Variants in TRAM1L1 observed in about 807,000 individuals in gnomAD.
The protein encoded by TRAM1L1 is translocation associated membrane protein 1 like 1.
For missense variants in TRAM1L1, 451 were observed against 439.9 expected, an observed-to-expected ratio of 1.03 and a Z score of -0.23; for synonymous variants, 189 against 163.6, an observed-to-expected ratio of 1.16 and a Z score of -1.18.
rs1732423746 is a variant in TRAM1L1 at position 117,085,004 on chromosome 4, A to T, written c.390T>A (p.Phe130Leu). 6.2e-7 allele frequency: 1 copy of T among 1,613,874 alleles called. No individual in the cohort carries two copies. ...TGAATGTGCCCCAAATACAAGAAAA[A>T]AAGTAGAACACACTAAACTGACCAG... ...NESGQFSVFY[F>L]FSCIWGTFIL... Residue 130 changes from phenylalanine to leucine, a missense_variant, in exon 1 of 1, where the codon TTT becomes TTA. Coordinates refer to ENST00000310754, the MANE Select transcript of TRAM1L1 (RefSeq NM_152402.3).
In TRAM1L1 at chr4:117,084,326, A is replaced by G. The variant is rs1041466311; in HGVS notation, c.1068T>C (p.Asn356=). 3 of 1,613,800 alleles carry G rather than the reference A, an allele frequency of 1.9e-6. No homozygotes were observed. Among genetic ancestry groups the G allele is most frequent in the East Asian group, 2.2e-5 (1 of 44,886 alleles). ...TENGVGVETS[N]RVDCPPKRKE... Reference sequence around the variant, plus strand: ...TCCTCTTTGGCGGACAGTCTACTCTATTTGAAGTTTCCACTCCCACTCCGT... The same window carrying G: ...TCCTCTTTGGCGGACAGTCTACTCTGTTTGAAGTTTCCACTCCCACTCCGT... Residue 356 remains asparagine, a synonymous_variant, in exon 1 of 1, where the codon AAT becomes AAC. Transcript: ENST00000310754.
rs770975747 is a variant in TRAM1L1, at chr4:117,085,194, G to T, written c.200C>A (p.Thr67Lys). 2 of 1,614,052 alleles carry T rather than the reference G, an allele frequency of 1.2e-6. No homozygotes were observed. Among genetic ancestry groups the T allele is most frequent in the Non-Finnish European group, 1.7e-6 (2 of 1,180,000 alleles). ...ATAATAATAGAGGGACTTTGAGCCC[G>T]TGGCTTGTTCCTCTGCTGCAGGGAC... Reference protein sequence around the residue: ...VAVPAAEEQATGSKSLYYYGV... With the variant: ...VAVPAAEEQAKGSKSLYYYGV... Residue 67 changes from threonine to lysine, a missense_variant, in exon 1 of 1, where the codon ACG becomes AAG. Transcript: ENST00000310754.
In TRAM1L1 at chr4:117,085,401, C is replaced by T; in HGVS notation, c.-8G>A. ...CTTCTTACGGAGCCCCATGGTGGCGCTTCCCGGATACTCACCGGCGAGCCG... is the reference window on the plus strand; with the variant it reads ...CTTCTTACGGAGCCCCATGGTGGCGTTTCCCGGATACTCACCGGCGAGCCG... On this transcript the variant is annotated 5_prime_UTR_variant, in exon 1 of 1. Transcript: ENST00000310754. 1 of 1,600,274 alleles carries T rather than the reference C, an allele frequency of 6.2e-7. No individual in the cohort carries two copies. Among genetic ancestry groups the T allele is most frequent in the Non-Finnish European group, 8.5e-7 (1 of 1,170,724 alleles).
At position 117,084,600 on chromosome 4, in the gene TRAM1L1, A is replaced by G; in HGVS notation, c.794T>C (p.Leu265Ser). ...IVFILGRLVT[L>S]IVSVLTVGFH... is the part of the protein sequence containing the mutation. ...CCCAACAGTGAGTACGGAAACAATT[A>G]AAGTCACAAGTCTACCCAAGATAAA... The change falls in exon 1 of 1, where the codon TTA becomes TCA. Residue 265 changes from leucine (L) to serine (S), a missense_variant. Leu to Ser is a moderately radical substitution (Grantham distance 145). Coordinates refer to ENST00000310754, the MANE Select transcript of TRAM1L1 (RefSeq NM_152402.3). The G allele has an allele frequency of 1.2e-6, 2 of 1,614,222 alleles. No individual in the cohort carries two copies. The highest frequency in any genetic ancestry group is 1.7e-5 in the Admixed American group (1 of 60,026).
At position 117,084,582 on chromosome 4, in the gene TRAM1L1, G is replaced by C; in HGVS notation, c.812C>G (p.Thr271Ser). The C allele has an allele frequency of 6.2e-7, 1 of 1,614,172 alleles. No homozygotes were observed. Among genetic ancestry groups the C allele is most frequent in the Non-Finnish European group, 8.5e-7 (1 of 1,180,042 alleles). ...RLVTLIVSVLTVGFHLAGSQN... is the reference protein window; with the variant it reads ...RLVTLIVSVLSVGFHLAGSQN... ...CGATCCAGCCAGGTGAAACCCAACAGTGAGTACGGAAACAATTAAAGTCAC... is the reference window on the plus strand; with the variant it reads ...CGATCCAGCCAGGTGAAACCCAACACTGAGTACGGAAACAATTAAAGTCAC... The change falls in exon 1 of 1, where the codon ACT becomes AGT. Residue 271 changes from threonine (T) to serine (S), a missense_variant. Thr to Ser is a moderately conservative substitution (Grantham distance 58, BLOSUM62 1). Coordinates refer to ENST00000310754, the MANE Select transcript of TRAM1L1 (RefSeq NM_152402.3).
chr4:117,085,420 C>A lies in TRAM1L1; in HGVS notation c.-27G>T. On this transcript the variant is annotated 5_prime_UTR_variant, in exon 1 of 1. Transcript: ENST00000310754. ...GTGGCGCTTCCCGGATACTCACCGG[C>A]GAGCCGCAGCTGCCTCCCCCTGGCT... The A allele has an allele frequency of 6.3e-7, 1 of 1,580,542 alleles. No homozygotes were observed.
Position 117,084,875 on chromosome 4 carries a change from C to T in TRAM1L1, c.519G>A (p.Leu173=). The part of the protein sequence containing the change: ...FQMKFFYISQ[L]AYWFHAFPEL... ...CAGGAAAAGCATGAAACCAGTAAGC[C>T]AACTGGGATATGTAGAAAAACTTCA... The change falls in exon 1 of 1, where the codon TTG becomes TTA. Residue 173 remains leucine (L), a synonymous_variant. Coordinates refer to ENST00000310754, the MANE Select transcript of TRAM1L1 (RefSeq NM_152402.3). 1 of 1,613,982 alleles carries T rather than the reference C, an allele frequency of 6.2e-7. No individual in the cohort carries two copies. The highest frequency in any genetic ancestry group is 8.5e-7 in the Non-Finnish European group (1 of 1,180,014).
chr4:117,085,524 G>T lies in TRAM1L1; in HGVS notation c.-131C>A, dbSNP rs1578459505. The T allele has an allele frequency of 7.9e-7, 1 of 1,268,910 alleles. No individual in the cohort carries two copies. The highest frequency in any genetic ancestry group is 2.7e-5 in the Admixed American group (1 of 36,464). 78.6% of individuals were successfully genotyped at this position (1,268,910 alleles called of 1,614,324 possible). ...CCCGAAGTCAGTCCCGGGTCGCAGC[G>T]GCCGCCCAGAAAAAAAATAAATCAA... On this transcript the variant is annotated 5_prime_UTR_variant, in exon 1 of 1. Transcript: ENST00000310754.
rs374197132 is a variant in TRAM1L1 at position 117,085,364 on chromosome 4, G to A, written c.30C>T (p.Asn10=). Residue 10 remains asparagine (N), a synonymous_variant, in exon 1 of 1, where the codon AAC becomes AAT. Coordinates refer to ENST00000310754, the MANE Select transcript of TRAM1L1 (RefSeq NM_152402.3). ...TGAATTCCTGGCTGAGAACGGGGGG[G>A]TTCTTGGTGCTCTTCTTACGGAGCC... MGLRKKSTK[N]PPVLSQEFIL... 11 of 1,613,188 alleles carry A rather than the reference G, an allele frequency of 6.8e-6. No homozygotes were observed. Among genetic ancestry groups the A allele is most frequent in the South Asian group, 1.1e-5 (1 of 91,072 alleles).
Position 117,084,482 on chromosome 4 carries a change from A to T in TRAM1L1, c.912T>A (p.Ser304Arg). 1 of 1,614,198 alleles carries T rather than the reference A, an allele frequency of 6.2e-7. No homozygotes were observed. Among genetic ancestry groups the T allele is most frequent in the Non-Finnish European group, 8.5e-7 (1 of 1,180,034 alleles). Residue 304 changes from serine (S) to arginine (R), a missense_variant, in exon 1 of 1, where the codon AGT becomes AGA. Transcript: ENST00000310754. Reference protein sequence around the residue: ...LAAKIAVLSSSCTIQAYVTWN... With the variant: ...LAAKIAVLSSRCTIQAYVTWN... ...ATGTTACGTAGGCTTGGATCGTGCA[A>T]CTGGACGACAGAACAGCAATTTTAG...
Position 117,085,247 on chromosome 4 carries a change from C to A in TRAM1L1, c.147G>T (p.Val49=). ...VFEGTAEASI[V]FLTLQHSVAV... ...CAACACTGTGCTGAAGAGTGAGAAA[C>A]ACGATGGATGCTTCTGCTGTTCCCT... Residue 49 remains valine, a synonymous_variant, in exon 1 of 1, where the codon GTG becomes GTT. Coordinates refer to ENST00000310754, the MANE Select transcript of TRAM1L1 (RefSeq NM_152402.3). The A allele has an allele frequency of 6.2e-7, 1 of 1,614,146 alleles. No homozygotes were observed. Among genetic ancestry groups the A allele is most frequent in the Non-Finnish European group, 8.5e-7 (1 of 1,180,040 alleles).
At position 117,083,743 on chromosome 4, in the gene TRAM1L1, T is replaced by G. The variant is rs566587132; in HGVS notation, c.*541A>C. 1 of 152,760 alleles carries G rather than the reference T, an allele frequency of 6.5e-6. No individual in the cohort carries two copies. Among genetic ancestry groups the G allele is most frequent in the Non-Finnish European group, 1.5e-5 (1 of 68,134 alleles). The allele number at this position is 152,760 out of a possible 1,614,324, so 9.5% of individuals were successfully genotyped here. On this transcript the variant is annotated 3_prime_UTR_variant, in exon 1 of 1. Coordinates refer to ENST00000310754, the MANE Select transcript of TRAM1L1 (RefSeq NM_152402.3). ...ATGAAGCACTAATAATCACTACCTG[T>G]AAAATAAAGAACATTTATTATTTTG... is the stretch of plus-strand genomic sequence containing the variant.
rs767479036 is a variant in TRAM1L1, at chr4:117,084,620, G to A, written c.774C>T (p.Ile258=). The change falls in exon 1 of 1, where the codon ATC becomes ATT. Residue 258 remains isoleucine (I), a synonymous_variant. Coordinates refer to ENST00000310754, the MANE Select transcript of TRAM1L1 (RefSeq NM_152402.3). ...CAATTAAAGTCACAAGTCTACCCAAGATAAACACAATGGCCCACAGAGATA... is the reference window on the plus strand; with the variant it reads ...CAATTAAAGTCACAAGTCTACCCAAAATAAACACAATGGCCCACAGAGATA... The part of the protein sequence containing the change: ...KGISLWAIVF[I]LGRLVTLIVS... The A allele has an allele frequency of 6.2e-7, 1 of 1,614,154 alleles. No individual in the cohort carries two copies. Among genetic ancestry groups the A allele is most frequent in the Admixed American group, 1.7e-5 (1 of 60,014 alleles).
chr4:117,084,483 C>T lies in TRAM1L1; in HGVS notation c.911G>A (p.Ser304Asn). Reference protein sequence around the residue: ...LAAKIAVLSSSCTIQAYVTWN... With the variant: ...LAAKIAVLSSNCTIQAYVTWN... ...TGTTACGTAGGCTTGGATCGTGCAA[C>T]TGGACGACAGAACAGCAATTTTAGC... Residue 304 changes from serine (S) to asparagine (N), a missense_variant, in exon 1 of 1, where the codon AGT (serine) becomes AAT (asparagine). Transcript: ENST00000310754. The T allele has an allele frequency of 6.2e-7, 1 of 1,614,154 alleles. No homozygotes were observed. Among genetic ancestry groups the T allele is most frequent in the Non-Finnish European group, 8.5e-7 (1 of 1,180,036 alleles).
chr4:117,084,334 T>A lies in TRAM1L1; in HGVS notation c.1060A>T (p.Thr354Ser). The change falls in exon 1 of 1, where the codon ACT (threonine) becomes TCT (serine). Residue 354 changes from threonine (T) to serine (S), a missense_variant. Coordinates refer to ENST00000310754, the MANE Select transcript of TRAM1L1 (RefSeq NM_152402.3). ...GGCGGACAGTCTACTCTATTTGAAGTTTCCACTCCCACTCCGTTTTCTGTT... is the reference window on the plus strand; with the variant it reads ...GGCGGACAGTCTACTCTATTTGAAGATTCCACTCCCACTCCGTTTTCTGTT... ...KRTENGVGVE[T>S]SNRVDCPPKR... 1 of 1,614,028 alleles carries A rather than the reference T, an allele frequency of 6.2e-7. No homozygotes were observed. The highest frequency in any genetic ancestry group is 8.5e-7 in the Non-Finnish European group (1 of 1,179,998).
In TRAM1L1 at chr4:117,084,287, TGAA is replaced by T; in HGVS notation, c.1104_1106del (p.Ser369del). 2 of 1,603,314 alleles carry T rather than the reference TGAA, an allele frequency of 1.2e-6. No homozygotes were observed. Among genetic ancestry groups the T allele is most frequent in the Non-Finnish European group, 1.7e-6 (2 of 1,176,362 alleles). On this transcript the variant is annotated inframe_deletion, in exon 1 of 1. Coordinates refer to ENST00000310754, the MANE Select transcript of TRAM1L1 (RefSeq NM_152402.3). ...TTAATCAATGCGCTTGCAAAGATTA[TGAA>T]GATTTCTCTTTCCTCTTTGGCGGAC...
Position 117,085,159 on chromosome 4 carries a change from C to G in TRAM1L1, c.235G>C (p.Asp79His). ...ATGTAGAAGAAAACCGTGGCCAAATCTTTGACACCATAATAATAGAGGGAC... is the reference window on the plus strand; with the variant it reads ...ATGTAGAAGAAAACCGTGGCCAAATGTTTGACACCATAATAATAGAGGGAC... ...SKSLYYYGVKDLATVFFYMLV... is the reference protein window; with the variant it reads ...SKSLYYYGVKHLATVFFYMLV... Residue 79 changes from aspartate (D) to histidine (H), a missense_variant, in exon 1 of 1, where the codon GAT becomes CAT. By Grantham distance (81) the Asp-to-His change is moderately conservative. Coordinates refer to ENST00000310754, the MANE Select transcript of TRAM1L1 (RefSeq NM_152402.3). 3 of 1,614,070 alleles carry G rather than the reference C, an allele frequency of 1.9e-6. No homozygotes were observed. Among genetic ancestry groups the G allele is most frequent in the South Asian group, 2.2e-5 (2 of 91,072 alleles).
At position 117,084,477 on chromosome 4, in the gene TRAM1L1, G is replaced by A. The variant is rs1438967530; in HGVS notation, c.917C>T (p.Thr306Met). 2.5e-6 allele frequency: 4 copies of A among 1,614,082 alleles called. No homozygotes were observed. The highest frequency in any genetic ancestry group is 1.6e-4 in the Middle Eastern group (1 of 6,062). The change falls in exon 1 of 1, where the codon ACG becomes ATG. Residue 306 changes from threonine to methionine, a missense_variant. By Grantham distance (81) the Thr-to-Met change is moderately conservative. Coordinates refer to ENST00000310754, the MANE Select transcript of TRAM1L1 (RefSeq NM_152402.3). The part of the protein sequence containing the change: ...AKIAVLSSSC[T>M]IQAYVTWNLI... ...GTTCCATGTTACGTAGGCTTGGATC[G>A]TGCAACTGGACGACAGAACAGCAAT...
Position 117,083,561 on chromosome 4 carries a change from T to C in TRAM1L1, c.*723A>G. 6.6e-6 allele frequency: 1 copy of C among 152,290 alleles called. No homozygotes were observed. Among genetic ancestry groups the C allele is most frequent in the South Asian group, 2.1e-4 (1 of 4,832 alleles). 9.4% of individuals were successfully genotyped at this position (152,290 alleles called of 1,614,324 possible). On this transcript the variant is annotated 3_prime_UTR_variant, in exon 1 of 1. Transcript: ENST00000310754. ...AAAAGACTAAGTTCAATGTCCTTTT[T>C]AAAGTAATATTTAATTTCATGAATT...
Sources: allele counts gnomAD v4.1 joint callset, GRCh38; gene constraint gnomAD v4.1.1; transcripts MANE v1.5; gene names NCBI Gene and HGNC (gene_info 2026-07-23, HGNC 2026-07-21).